BCAS3: variants seen among roughly 807,000 people sequenced by gnomAD.
The protein encoded by BCAS3 is BCAS4/BCAS3 fusion.
BCAS3 carries 53 observed loss-of-function variants against 116.1 expected under a neutral mutation model. That is an observed-to-expected ratio of 0.46 (90% CI 0.37 to 0.57). The LOEUF (loss-of-function observed/expected upper bound fraction) is 0.57, where lower values mean the gene tolerates loss of function less well. Among genes scored for constraint, BCAS3 ranks in the 20% least tolerant of loss-of-function variants. The pLI, the probability that BCAS3 is intolerant of heterozygous loss-of-function variation, is 0.00. For missense variants in BCAS3, 917 were observed against 1,165.4 expected, an observed-to-expected ratio of 0.79 and a Z score of 3.10; for synonymous variants, 391 against 408.2, an observed-to-expected ratio of 0.96 and a Z score of 0.51.
intron 6 of BCAS3, among the ~76,000 whole-genome samples, chr17:60,764,604 C>G (rs926820604): frequency 6.6e-6 from 1 of 152,114 alleles, no homozygotes; most frequent in Non-Finnish European, 1.5e-5. Flanking sequence ...CTGAGGAGTG[C>G]TTTACTTCCA....
At chr17:60,872,214 A>G (rs950318445) in intron 8 of BCAS3, among the ~76,000 whole-genome samples, 6 of 151,972 alleles carry the variant, frequency 3.9e-5, no homozygotes, top group East Asian at 3.8e-4. Context: ...TTCTATGTTT[A>G]TAAAATAAAT....
At chr17:60,756,457 A>G (rs953475696) in intron 6 of BCAS3, among the ~76,000 whole-genome samples, 9 of 152,156 alleles carry the variant, frequency 5.9e-5, no homozygotes, top group African/African-American at 2.2e-4. Context: ...TCTGGTATGT[A>G]TCATCCTATT....
chr17:61,300,059 T>C lies in BCAS3; in HGVS notation c.2426-68268T>C, dbSNP rs555878028. On this transcript the variant is annotated intron_variant, in intron 22 of 23. Transcript: ENST00000407086. The surrounding 1 kb of genome is among the most constrained non-coding windows in gnomAD (Gnocchi z 5.1). ...ATTCTGACAGTTTTGACAAATCAGTTTATTAAAATTGTAAATGTAACCCAG... is the reference window on the plus strand; with the variant it reads ...ATTCTGACAGTTTTGACAAATCAGTCTATTAAAATTGTAAATGTAACCCAG... Among the ~76,000 whole-genome samples the C allele has an allele frequency of 2.3e-4, 35 of 152,296 alleles. No individual in the cohort carries two copies. Among genetic ancestry groups the C allele is most frequent in the African/African-American group, 7.2e-4 (30 of 41,552 alleles).
At chr17:61,185,894 T>C (rs542556754) in intron 22 of BCAS3, among the ~76,000 whole-genome samples, 1 of 152,306 alleles carries the variant, frequency 6.6e-6, no homozygotes, top group East Asian at 1.9e-4. Context: ...AACTTTGTGC[T>C]AAGAAAGCCT....
At chr17:60,796,155 A>C (rs1440650579) in intron 6 of BCAS3, among the ~76,000 whole-genome samples, 2 of 152,154 alleles carry the variant, frequency 1.3e-5, no homozygotes, top group Non-Finnish European at 2.9e-5. Context: ...GGATTTTAGC[A>C]TCTGTGTTCA....
In BCAS3 at chr17:61,373,804, C is replaced by CTTTTTTTTTTT. The variant is rs201141656; in HGVS notation, c.2593+5313_2593+5314insTTTTTTTTTTT. ...TTGCTGCTGTTAACTTCTTCTTCTT[C>CTTTTTTTTTTT]TTTGTTTTTTTTTTTTTTTTTTTTG... On this transcript the variant is annotated intron_variant, in intron 23 of 23. Coordinates refer to ENST00000407086, the MANE Select transcript of BCAS3 (RefSeq NM_017679.5). Among the ~76,000 whole-genome samples the CTTTTTTTTTTT allele has an allele frequency of 5.3e-5, 4 of 76,130 alleles. 1 individual carries two copies. Among genetic ancestry groups the CTTTTTTTTTTT allele is most frequent in the Non-Finnish European group, 5.5e-5 (2 of 36,690 alleles). The allele number at this position is 76,130 out of a possible 152,430, so 49.9% of individuals were successfully genotyped here. A position where few individuals can be genotyped will look rare whatever the true frequency, so the allele number is the denominator to read the frequency against.
chr17:60,686,695 T>G (rs968983899), intron 3 of BCAS3, among the ~76,000 whole-genome samples: 1 of 152,062 alleles, frequency 6.6e-6, no homozygotes, highest in Non-Finnish European at 1.5e-5. Context: ...CCGGCCAATT[T>G]TTGTATTTTT....
At chr17:61,147,369 C>T (rs571011062) in intron 22 of BCAS3, among the ~76,000 whole-genome samples, 1 of 152,102 alleles carries the variant, frequency 6.6e-6, no homozygotes, top group African/African-American at 2.4e-5. Context: ...ATCCACCGCA[C>T]CCGGCCATAC....
Position 60,684,015 on chromosome 17 carries a change from T to C in BCAS3, c.117T>C (p.Phe39=). 6.2e-7 allele frequency: 1 copy of C among 1,614,048 alleles called. No individual in the cohort carries two copies. Among genetic ancestry groups the C allele is most frequent in the Non-Finnish European group, 8.5e-7 (1 of 1,179,968 alleles). Residue 39 remains phenylalanine (F), a synonymous_variant, in exon 3 of 24, where the codon TTT becomes TTC. Transcript: ENST00000407086. Reference sequence around the variant, plus strand: ...CCTACATGGAAAGTGTTGTGACTTTTCTGCAGGATGTTGTGCCACAGGTAA... The same window carrying C: ...CCTACATGGAAAGTGTTGTGACTTTCCTGCAGGATGTTGTGCCACAGGTAA... ...EQSYMESVVT[F]LQDVVPQAYS... is the part of the protein sequence containing the mutation.
At chr17:60,811,257 A>G in intron 7 of BCAS3, 1 of 901,562 alleles carries the variant, frequency 1.1e-6, no homozygotes, top group Non-Finnish European at 1.7e-6. Context: ...GCCCAGGAGT[A>G]GGAGGCCCTG....
At chr17:60,860,402 A>C (rs552059188) in intron 7 of BCAS3, among the ~76,000 whole-genome samples, 58 of 152,192 alleles carry the variant, frequency 3.8e-4, no homozygotes, top group Non-Finnish European at 5.9e-4. Context: ...TCAGATGCAT[A>C]GTTCACAAAT....
chr17:60,760,402 CCCCAGCTTTTG>C (rs2043409301), intron 6 of BCAS3, among the ~76,000 whole-genome samples: 1 of 129,278 alleles, frequency 7.7e-6, no homozygotes, highest in Admixed American at 6.8e-5. Flanking sequence ...TGATGAATTC[CCCCAGCTTTTG>C]TTATCTTGGA....
intron 22 of BCAS3, among the ~76,000 whole-genome samples, chr17:61,115,963 T>G (rs1488880058): frequency 6.6e-6 from 1 of 150,966 alleles, no homozygotes; most frequent in Non-Finnish European, 1.5e-5. Flanking sequence ...AAATTGGAAA[T>G]CATCATTCTC....
intron 21 of BCAS3, among the ~76,000 whole-genome samples, chr17:61,080,910 C>T (rs2072540860): frequency 1.3e-5 from 2 of 152,096 alleles, no homozygotes; most frequent in African/African-American, 4.8e-5. Context: ...CATAATTCCT[C>T]CAGCTTTCTA....
intron 10 of BCAS3, chr17:60,891,814 C>A: frequency 2.2e-6 from 1 of 449,646 alleles, no homozygotes; most frequent in Non-Finnish European, 4.5e-6. Context: ...TTCCCTCCCC[C>A]TTTTGGAGTC....
intron 7 of BCAS3, among the ~76,000 whole-genome samples, chr17:60,818,233 C>T (rs989198068): frequency 6.6e-6 from 1 of 152,134 alleles, no homozygotes; most frequent in African/African-American, 2.4e-5. Flanking sequence ...AAATAGAATA[C>T]AGTTAATTCA....
intron 14 of BCAS3, among the ~76,000 whole-genome samples, chr17:60,973,517 C>CAGGA (rs1280288649): frequency 1.3e-5 from 2 of 151,570 alleles, no homozygotes; most frequent in Admixed American, 6.6e-5. Context: ...AAACAACTTT[C>CAGGA]CTCCTGCCCT....
At position 61,265,887 on chromosome 17, in the gene BCAS3, CTTGT is replaced by C. The variant is rs1380535790; in HGVS notation, c.2426-102437_2426-102434del. Among the ~76,000 whole-genome samples, 1 of 152,178 alleles carries C rather than the reference CTTGT, an allele frequency of 6.6e-6. No homozygotes were observed. The highest frequency in any genetic ancestry group is 1.5e-5 in the Non-Finnish European group (1 of 68,028). Reference sequence around the variant, plus strand: ...TGCTAACTGAGCAGGAGAATAGTTGCTTGTTTCTTTCTCTATATAAAAGACAAAT... The same window carrying C: ...TGCTAACTGAGCAGGAGAATAGTTGCTTCTTTCTCTATATAAAAGACAAAT... On this transcript the variant is annotated intron_variant, in intron 22 of 23. Coordinates refer to ENST00000407086, the MANE Select transcript of BCAS3 (RefSeq NM_017679.5). The surrounding 1 kb of genome is among the most constrained non-coding windows in gnomAD (Gnocchi z 4.3).
At chr17:61,321,081 A>C (rs1257487040) in intron 22 of BCAS3, among the ~76,000 whole-genome samples, 1 of 152,226 alleles carries the variant, frequency 6.6e-6, no homozygotes, top group Non-Finnish European at 1.5e-5. Flanking sequence ...CTGAGACTAG[A>C]ACTCATGTCT....
Sources: gnomAD v4.1 joint callset for allele counts (sites outside exome capture counted in the v4.1 genomes callset) on GRCh38, gnomAD v4.1.1 for gene constraint, Gnocchi (gnomAD v3.1) non-coding constraint, MANE v1.5 for transcripts, NCBI Gene and HGNC (gene_info 2026-07-23, HGNC 2026-07-21) for gene names.